The following ANKFN1 variants were observed in gnomAD, a reference collection of about 807,000 sequenced individuals.
The protein encoded by ANKFN1 is ankyrin repeat and fibronectin type-III domain-containing protein 1.
ANKFN1 carries 74 observed loss-of-function variants against 108.7 expected under a neutral mutation model. The ratio of observed to expected loss-of-function variants is 0.68; its 90% confidence interval spans 0.56 to 0.83. The LOEUF is 0.83. Ranked by LOEUF, ANKFN1 falls within the 40% of genes least tolerant of loss-of-function variation. The probability of loss-of-function intolerance (pLI) is 0.00; values close to 1 mark genes in which losing one functional copy is unlikely to be tolerated. For missense variants in ANKFN1, 1,505 were observed against 1,382.3 expected, an observed-to-expected ratio of 1.09 and a Z score of -1.41; for synonymous variants, 547 against 516.2, an observed-to-expected ratio of 1.06 and a Z score of -0.81.
intron 3 of ANKFN1, among the ~76,000 whole-genome samples, chr17:56,238,495 T>G (rs992237321): frequency 6.6e-6 from 1 of 152,184 alleles, no homozygotes; most frequent in Non-Finnish European, 1.5e-5. Flanking sequence ...TTAGGATAGT[T>G]AGACCTTCTT....
upstream of ANKFN1, among the ~76,000 whole-genome samples, chr17:56,152,937 A>G (rs184355492): frequency 1.1e-4 from 17 of 152,340 alleles, no homozygotes; most frequent in Admixed American, 2.6e-4. Context: ...AGTTCCCACC[A>G]GACTTCTAGG....
intron 3 of ANKFN1, among the ~76,000 whole-genome samples, chr17:56,289,303 A>AT (rs1244582434): frequency 1.3e-5 from 2 of 152,212 alleles, no homozygotes; most frequent in East Asian, 1.9e-4. Context: ...AGAAAGAGCT[A>AT]TTTTGCTGGT....
At chr17:56,129,443 C>T (rs1907140975) in intron 4 of ANKFN1, among the ~76,000 whole-genome samples, 1 of 150,960 alleles carries the variant, frequency 6.6e-6, no homozygotes. Flanking sequence ...ATTTCCAGAG[C>T]ATGTTTGAAA....
chr17:56,408,362 T>C (rs1353771835), intron 8 of ANKFN1, among the ~76,000 whole-genome samples: 1 of 152,220 alleles, frequency 6.6e-6, no homozygotes, highest in African/African-American at 2.4e-5. Flanking sequence ...AACCATATTT[T>C]CTCCATTTCT....
chr17:56,127,447 G>C (rs182424044), intron 4 of ANKFN1, among the ~76,000 whole-genome samples: 40 of 152,246 alleles, frequency 2.6e-4, no homozygotes, highest in African/African-American at 9.1e-4. Context: ...CTGAGTAGCT[G>C]GGATTACAGG....
chr17:56,190,127 GGTCT>G lies in ANKFN1; in HGVS notation c.-70-22470_-70-22467del, dbSNP rs1165004160. 3.0e-3 allele frequency among the ~76,000 whole-genome samples: 393 copies of G among 132,448 alleles called. 1 individual carries two copies. The highest frequency in any genetic ancestry group is 0.01 in the African/African-American group (377 of 36,782). The allele number at this position is 132,448 out of a possible 152,430, so 86.9% of individuals were successfully genotyped here. On this transcript the variant is annotated intron_variant, in intron 1 of 20. Coordinates refer to ENST00000682825, the MANE Select transcript of ANKFN1 (RefSeq NM_001370326.1). ...TTTTTTCTTTATTAGTCTTGCTAGC[GGTCT>G]ATCAATTTTGTTGATCCTTTCAAAA...
intron 18 of ANKFN1, among the ~76,000 whole-genome samples, chr17:56,483,015 GA>G (rs1027266275): frequency 6.6e-6 from 1 of 151,974 alleles, no homozygotes; most frequent in Admixed American, 6.5e-5. Context: ...CTTTGGAGGG[GA>G]AAAAAGCCTA....
At chr17:56,493,620 AG>A (rs1472792521) in intron 19 of ANKFN1, among the ~76,000 whole-genome samples, 1 of 152,126 alleles carries the variant, frequency 6.6e-6, no homozygotes, top group Non-Finnish European at 1.5e-5. Context: ...TTCTGTAGGC[AG>A]TAGGGAGCTA....
At chr17:56,433,348 C>A (rs1218993059) in intron 8 of ANKFN1, among the ~76,000 whole-genome samples, 2 of 152,010 alleles carry the variant, frequency 1.3e-5, no homozygotes, top group Admixed American at 6.6e-5. Flanking sequence ...ACATAAGCAA[C>A]TTCTTTGTTG....
chr17:56,513,636 C>T lies in ANKFN1; in HGVS notation c.*2367C>T, dbSNP rs942646152. On this transcript the variant is annotated 3_prime_UTR_variant, in exon 21 of 21. Transcript: ENST00000682825. ...CAGGAGAGGCAGAAACTGACCCACC[C>T]TTCTGACCCCTCATTTGGTCAGTAA... Among the ~76,000 whole-genome samples, 1 of 152,176 alleles carries T rather than the reference C, an allele frequency of 6.6e-6. No homozygotes were observed. Among genetic ancestry groups the T allele is most frequent in the Non-Finnish European group, 1.5e-5 (1 of 68,026 alleles).
At chr17:56,305,248 C>T (rs2044787299) in intron 3 of ANKFN1, among the ~76,000 whole-genome samples, 1 of 152,210 alleles carries the variant, frequency 6.6e-6, no homozygotes, top group African/African-American at 2.4e-5. Context: ...TAAATTACCT[C>T]CCACTGGCTC....
intron 3 of ANKFN1, among the ~76,000 whole-genome samples, chr17:56,289,857 A>G (rs1398887215): frequency 6.6e-6 from 1 of 152,190 alleles, no homozygotes; most frequent in African/African-American, 2.4e-5. Flanking sequence ...GTGCTGCCTT[A>G]AGGAGCTGAA....
chr17:56,506,394 A>G (rs2051567534), intron 20 of ANKFN1, among the ~76,000 whole-genome samples: 1 of 152,220 alleles, frequency 6.6e-6, no homozygotes, highest in Admixed American at 6.5e-5. Context: ...AAGAAGGCAC[A>G]GACACAGAAG....
At chr17:56,151,906 C>A (rs1908646180), upstream of ANKFN1, among the ~76,000 whole-genome samples, 1 of 152,166 alleles carries the variant, frequency 6.6e-6, no homozygotes, top group Non-Finnish European at 1.5e-5. Flanking sequence ...ACAAAACACT[C>A]ACAAATTGAC....
At chr17:56,072,819 A>G (rs1905135708) in intron 4 of ANKFN1, among the ~76,000 whole-genome samples, 1 of 152,054 alleles carries the variant, frequency 6.6e-6, no homozygotes, top group Non-Finnish European at 1.5e-5. Context: ...AGATGAGGAG[A>G]GGAGAAGGTG....
chr17:56,281,248 G>A (rs1483000995), intron 3 of ANKFN1, among the ~76,000 whole-genome samples: 1 of 152,084 alleles, frequency 6.6e-6, no homozygotes, highest in Admixed American at 6.6e-5. Context: ...TGTAACACTT[G>A]ACCCTTATTA....
chr17:56,469,190 T>A (rs866456933), intron 15 of ANKFN1, among the ~76,000 whole-genome samples: 1 of 152,072 alleles, frequency 6.6e-6, no homozygotes, highest in Non-Finnish European at 1.5e-5. Context: ...CCCCGCTGAC[T>A]GGCACATTCC....
chr17:56,301,884 G>A (rs927440751), intron 3 of ANKFN1, among the ~76,000 whole-genome samples: 2 of 152,136 alleles, frequency 1.3e-5, no homozygotes, highest in Non-Finnish European at 2.9e-5. Flanking sequence ...GAGTCTACAG[G>A]GCCAGGTGGA....
At chr17:56,495,468 T>C (rs1209123733) in intron 19 of ANKFN1, among the ~76,000 whole-genome samples, 1 of 152,144 alleles carries the variant, frequency 6.6e-6, no homozygotes, top group Non-Finnish European at 1.5e-5. Flanking sequence ...ATTTGTATGA[T>C]TCCAGATCTA....
Sources: gnomAD v4.1 joint callset for allele counts (sites outside exome capture counted in the v4.1 genomes callset) on GRCh38, gnomAD v4.1.1 for gene constraint, MANE v1.5 for transcripts, NCBI Gene and HGNC (gene_info 2026-07-23, HGNC 2026-07-21) for gene names.